PRMT7: variants seen among roughly 807,000 people sequenced by gnomAD.
PRMT7 encodes protein arginine N-methyltransferase 7.
Under a neutral mutation model 85.4 loss-of-function variants are expected in PRMT7, and 75 were observed. The observed-to-expected ratio is 0.88, with a 90% CI of 0.73 to 1.06. PRMT7 has a LOEUF of 1.06. Among genes scored for constraint, PRMT7 ranks in the 50% least tolerant of loss-of-function variants. The pLI, the probability that PRMT7 is intolerant of heterozygous loss-of-function variation, is 0.00. For missense variants in PRMT7, 868 were observed against 915.2 expected (o/e 0.95, Z 0.67); for synonymous variants, 397 against 359.5 (o/e 1.10, Z -1.18).
Position 68,346,176 on chromosome 16 carries a change from C to T in PRMT7, c.1087C>T (p.Arg363Cys), listed in dbSNP as rs762020291. 5.6e-6 allele frequency: 9 copies of T among 1,614,068 alleles called. No homozygotes were observed. Among genetic ancestry groups the T allele is most frequent in the East Asian group, 2.2e-5 (1 of 44,874 alleles). ...PEKNERVRQM[R>C]PVCDCQAHLL... ...AAAGAATGAGAGAGTCCGCCAGATGCGCCCCGTGTGTGACTGCCAGGCTCA... is the reference window on the plus strand; with the variant it reads ...AAAGAATGAGAGAGTCCGCCAGATGTGCCCCGTGTGTGACTGCCAGGCTCA... The change falls in exon 11 of 19, where the codon CGC (arginine) becomes TGC (cysteine). Residue 363 changes from arginine (R) to cysteine (C), a missense_variant. Transcript: ENST00000441236.
chr16:68,346,131 A>G lies in PRMT7; in HGVS notation c.1056-14A>G. The G allele has an allele frequency of 6.2e-7, 1 of 1,612,818 alleles. No individual in the cohort carries two copies. Among genetic ancestry groups the G allele is most frequent in the Non-Finnish European group, 8.5e-7 (1 of 1,179,998 alleles). Reference sequence around the variant, plus strand: ...GCTCACAGCCCACGTCTGTTTGTTCATCTCCTGGCCTAGCCCTGAAAAGAA... The same window carrying G: ...GCTCACAGCCCACGTCTGTTTGTTCGTCTCCTGGCCTAGCCCTGAAAAGAA... On this transcript the variant is annotated splice_polypyrimidine_tract_variant and intron_variant, in intron 10 of 18. Transcript: ENST00000441236.
intron 2 of PRMT7, among the ~76,000 whole-genome samples, chr16:68,313,294 C>T (rs143455154): frequency 6.6e-6 from 1 of 152,138 alleles, no homozygotes; most frequent in Admixed American, 6.5e-5. Context: ...ACGTCTGACA[C>T]AGGCACATGA....
chr16:68,352,608 A>G, intron 15 of PRMT7, 199 bp downstream of exon 15: 1 of 486,802 alleles, frequency 2.1e-6, no homozygotes, highest in South Asian at 3.7e-5. Flanking sequence ...TGACATACGA[A>G]ATGGAAATGG....
At chr16:68,356,829 G>A in intron 18 of PRMT7, 32 bp downstream of exon 18, 1 of 1,581,008 alleles carries the variant, frequency 6.3e-7, no homozygotes, top group Non-Finnish European at 8.6e-7. Context: ...CAGTGTGCGT[G>A]CAGACCCTGA....
Position 68,357,141 on chromosome 16 carries a change from C to G in PRMT7, c.1996C>G (p.Arg666Gly). The G allele has an allele frequency of 6.2e-7, 1 of 1,613,998 alleles. No individual in the cohort carries two copies. The highest frequency in any genetic ancestry group is 8.5e-7 in the Non-Finnish European group (1 of 1,180,006). ...TCCCAGAGCACTGCTGGGTGGCCCACGGACTGTCAGCTATGCAGTGGAGTT... is the reference window on the plus strand; with the variant it reads ...TCCCAGAGCACTGCTGGGTGGCCCAGGGACTGTCAGCTATGCAGTGGAGTT... ...PDPRALLGGP[R>G]TVSYAVEFHP... The change falls in exon 19 of 19, where the codon CGG becomes GGG. Residue 666 changes from arginine (R) to glycine (G), a missense_variant. Arg to Gly is a moderately radical substitution (Grantham distance 125). Transcript: ENST00000441236.
intron 4 of PRMT7, 76 bp downstream of exon 4, chr16:68,321,538 T>G (rs2082497289): frequency 1.4e-6 from 2 of 1,393,554 alleles, no homozygotes; most frequent in Non-Finnish European, 2.0e-6. Context: ...TAAGAATCCC[T>G]GGGGGTCATG....
chr16:68,356,506 G>T (rs1290361982), intron 17 of PRMT7, among the ~76,000 whole-genome samples, 195 bp from the exon 18 acceptor site: 1 of 152,274 alleles, frequency 6.6e-6, no homozygotes, highest in African/African-American at 2.4e-5. Context: ...GTTGGCTCAG[G>T]TGGGGGCTTG....
chr16:68,348,510 C>A, intron 14 of PRMT7, 79 bp downstream of exon 14: 1 of 1,190,344 alleles, frequency 8.4e-7, no homozygotes, highest in Middle Eastern at 2.1e-4. Flanking sequence ...CAGGCCCCAC[C>A]CTGTCCCTGG....
At position 68,324,723 on chromosome 16, in the gene PRMT7, G is replaced by C. The variant is rs1397730520; in HGVS notation, c.173G>C (p.Arg58Thr). The change falls in exon 5 of 19, where the codon AGG (arginine) becomes ACG (threonine). Residue 58 changes from arginine to threonine, a missense_variant. Transcript: ENST00000441236. ...CAAGGTATCCGGGCTGCCGTGAGCA[G>C]GGTGAAGGACAGAGGACAGAAGGCC... ...YYQGIRAAVS[R>T]VKDRGQKALV... The C allele has an allele frequency of 6.2e-7, 1 of 1,614,138 alleles. No individual in the cohort carries two copies. Among genetic ancestry groups the C allele is most frequent in the Non-Finnish European group, 8.5e-7 (1 of 1,180,042 alleles).
rs1223959307 is a variant in PRMT7 at position 68,320,789 on chromosome 16, A to G, written c.96-637A>G. 3.3e-5 allele frequency among the ~76,000 whole-genome samples: 5 copies of G among 152,248 alleles called. No homozygotes were observed. In the East Asian group the frequency reaches 5.8e-4, roughly 18 times the overall value. On this transcript the variant is annotated intron_variant, in intron 3 of 18. Transcript: ENST00000441236. ...CTTTTTTCTGCAGCACTAGAGAATAACAGCTTGAAACTCTATTAAAATAAA... is the reference window on the plus strand; with the variant it reads ...CTTTTTTCTGCAGCACTAGAGAATAGCAGCTTGAAACTCTATTAAAATAAA...
chr16:68,356,813 C>A lies in PRMT7; in HGVS notation c.1908+16C>A. 6.3e-7 allele frequency: 1 copy of A among 1,594,146 alleles called. No homozygotes were observed. ...AGACCCCGAGGTAGTGCCTGCGCAC[C>A]GGGCCCAGTGTGCGTGCAGACCCTG... is the stretch of plus-strand genomic sequence containing the variant. On this transcript the variant is annotated intron_variant, in intron 18 of 18. Transcript: ENST00000441236.
chr16:68,341,119 A>C (rs756932255), intron 9 of PRMT7, among the ~76,000 whole-genome samples: 2 of 152,150 alleles, frequency 1.3e-5, no homozygotes, highest in Non-Finnish European at 2.9e-5. Flanking sequence ...TGGAAAGGAA[A>C]CATATTTTTT....
At chr16:68,340,662 G>A (rs1019316153) in intron 9 of PRMT7, among the ~76,000 whole-genome samples, 1 of 152,040 alleles carries the variant, frequency 6.6e-6, no homozygotes, top group African/African-American at 2.4e-5. Flanking sequence ...AGTTTAAACA[G>A]TTTGCAAGCA....
chr16:68,321,518 A>G (rs942016121), intron 4 of PRMT7, 56 bp downstream of exon 4: 1 of 1,501,144 alleles, frequency 6.7e-7, no homozygotes, highest in Non-Finnish European at 9.2e-7. Flanking sequence ...GTCTTGGATT[A>G]CAAGAAGGTT....
At chr16:68,356,612 A>C in intron 17 of PRMT7, 89 bp from the exon 18 acceptor site, 4 of 970,174 alleles carry the variant, frequency 4.1e-6, no homozygotes, top group Non-Finnish European at 6.4e-6. Context: ...GGGGAAGACC[A>C]CAGGTTTCTG....
chr16:68,326,479 C>T (rs2083132340), intron 5 of PRMT7, among the ~76,000 whole-genome samples: 2 of 152,186 alleles, frequency 1.3e-5, no homozygotes, highest in African/African-American at 2.4e-5. Flanking sequence ...TTCCTGATCT[C>T]AGGGGATCCC....
intron 5 of PRMT7, among the ~76,000 whole-genome samples, chr16:68,327,404 G>A (rs1003023299): frequency 3.3e-5 from 5 of 152,128 alleles, no homozygotes; most frequent in African/African-American, 1.2e-4. Context: ...AGGGAAACTC[G>A]AAGAGTTCAG....
intron 15 of PRMT7, 103 bp downstream of exon 15, chr16:68,352,512 G>A (rs2087566940): frequency 8.8e-7 from 1 of 1,139,656 alleles, no homozygotes; most frequent in Non-Finnish European, 1.2e-6. Context: ...CTCAGGCCTT[G>A]ATGATTTGAG....
chr16:68,322,546 A>G (rs146470565), intron 4 of PRMT7: 3 of 270,328 alleles, frequency 1.1e-5, no homozygotes, highest in South Asian at 3.0e-5. Flanking sequence ...GTCTAGGGTT[A>G]TGAACATAGG....
Sources: allele counts gnomAD v4.1 joint callset (sites outside exome capture counted in the v4.1 genomes callset), GRCh38; gene constraint gnomAD v4.1.1; transcripts MANE v1.5; gene names NCBI Gene and HGNC (gene_info 2026-07-23, HGNC 2026-07-21).